LXN: variants seen among roughly 807,000 people sequenced by gnomAD.
LXN encodes the protein latexin.
Under a neutral mutation model 29.8 loss-of-function variants are expected in LXN, and 28 were observed. The ratio of observed to expected loss-of-function variants is 0.94; its 90% confidence interval spans 0.70 to 1.29. LXN has a LOEUF of 1.29. Ranked by LOEUF, LXN falls within the 50% of genes most tolerant of loss-of-function variation. The pLI, the probability that LXN is intolerant of heterozygous loss-of-function variation, is 0.00. For synonymous variants in LXN, 77 were observed against 89.6 expected (o/e 0.86, Z 0.80); for missense variants, 227 against 261.7 (o/e 0.87, Z 0.92).
chr3:158,668,312 T>C (rs1250903419), intron 4 of LXN, among the ~76,000 whole-genome samples: 5 of 152,198 alleles, frequency 3.3e-5, no homozygotes, highest in African/African-American at 1.2e-4. Flanking sequence ...TAAATAGTTG[T>C]TATATTACTT....
At position 158,672,327 on chromosome 3, in the gene LXN, C is replaced by T. The variant is rs773702351; in HGVS notation, c.129+23G>A. The T allele has an allele frequency of 2.5e-6, 4 of 1,612,368 alleles. No individual in the cohort carries two copies. The East Asian group carries it at 6.7e-5, about 27-fold the overall frequency. Reference sequence around the variant, plus strand: ...AGCGCAATCCTGAAGCCTCTGCTGTCCACCACCCCCTGCTAAACTCACCTC... The same window carrying T: ...AGCGCAATCCTGAAGCCTCTGCTGTTCACCACCCCCTGCTAAACTCACCTC... On this transcript the variant is annotated intron_variant, in intron 1 of 5. Coordinates refer to ENST00000264265, the MANE Select transcript of LXN (RefSeq NM_020169.4).
chr3:158,667,668 C>T (rs558723327), intron 4 of LXN, among the ~76,000 whole-genome samples: 70 of 152,188 alleles, frequency 4.6e-4, no homozygotes, highest in Admixed American at 2.1e-3. Flanking sequence ...TGTGCCTGTA[C>T]TCCCAGCCAC....
chr3:158,670,408 C>T (rs1255175218), intron 2 of LXN, among the ~76,000 whole-genome samples: 3 of 152,154 alleles, frequency 2.0e-5, no homozygotes, highest in Non-Finnish European at 4.4e-5. Flanking sequence ...TAAATTACTT[C>T]ACTCATTTAT....
In LXN at chr3:158,672,589, C is replaced by T. The variant is rs866535647; in HGVS notation, c.-111G>A. ...GGTCCGGTTGCCGAGGCGGAAAAGTCGCAAGCTCCTTCAGTCAGTCTTCTT... is the reference window on the plus strand; with the variant it reads ...GGTCCGGTTGCCGAGGCGGAAAAGTTGCAAGCTCCTTCAGTCAGTCTTCTT... On this transcript the variant is annotated 5_prime_UTR_variant, in exon 1 of 6. Coordinates refer to ENST00000264265, the MANE Select transcript of LXN (RefSeq NM_020169.4). 4 of 1,346,950 alleles carry T rather than the reference C, an allele frequency of 3.0e-6. No homozygotes were observed. Among genetic ancestry groups the T allele is most frequent in the Non-Finnish European group, 4.1e-6 (4 of 969,790 alleles). 83.4% of individuals were successfully genotyped at this position (1,346,950 alleles called of 1,614,324 possible). A position where few individuals can be genotyped will look rare whatever the true frequency, so the allele number is the denominator to read the frequency against.
chr3:158,667,115 T>G (rs1311981318), intron 4 of LXN, 41 bp from the exon 5 acceptor site: 1 of 1,516,868 alleles, frequency 6.6e-7, no homozygotes, highest in South Asian at 1.3e-5. Flanking sequence ...AAACTTAATA[T>G]CTTTGGCAAA....
intron 3 of LXN, 39 bp downstream of exon 3, chr3:158,669,394 T>C: frequency 6.4e-7 from 1 of 1,560,824 alleles, no homozygotes; most frequent in Non-Finnish European, 8.7e-7. Flanking sequence ...GATTTTAAGT[T>C]TGAATCAAAC....
chr3:158,672,136 G>A (rs555944584), intron 1 of LXN, among the ~76,000 whole-genome samples: 1 of 152,232 alleles, frequency 6.6e-6, no homozygotes, highest in East Asian at 1.9e-4. Context: ...CTGCCTTAAG[G>A]TGAAAACAGT....
chr3:158,668,566 C>G (rs1461141816), intron 4 of LXN, among the ~76,000 whole-genome samples: 1 of 152,052 alleles, frequency 6.6e-6, no homozygotes, highest in Non-Finnish European at 1.5e-5. Context: ...CTTGACTAAC[C>G]CGAAAGATTA....
intron 5 of LXN, 119 bp from the exon 6 acceptor site, chr3:158,666,863 A>T (rs766838385): frequency 4.1e-5 from 59 of 1,426,082 alleles, no homozygotes; most frequent in Non-Finnish European, 5.4e-5. Flanking sequence ...CTTTTGTTAA[A>T]TTGCTGCAAT....
chr3:158,670,991 TG>T lies in LXN; in HGVS notation c.157del (p.His53ThrfsTer16). Reference protein sequence around the residue: ...EDIPGRGHKYHLKFAVEEIIQ... With the variant: ...EDIPGRGHKYXLKFAVEEIIQ... The stretch of plus-strand genomic sequence containing the variant: ...AATTTCTTCAACAGCAAATTTAAGG[TG>T]ATACTTATGTCCTCTTCCTGGAATA... On this transcript the variant is annotated frameshift_variant, in exon 2 of 6. Coordinates refer to ENST00000264265, the MANE Select transcript of LXN (RefSeq NM_020169.4). LOFTEE classifies it high-confidence loss of function. The T allele has an allele frequency of 1.3e-6, 2 of 1,530,138 alleles. No individual in the cohort carries two copies. Among genetic ancestry groups the T allele is most frequent in the Non-Finnish European group, 1.8e-6 (2 of 1,141,584 alleles). The allele number at this position is 1,530,138 out of a possible 1,614,324, so 94.8% of individuals were successfully genotyped here. A position where few individuals can be genotyped will look rare whatever the true frequency, so the allele number is the denominator to read the frequency against.
At position 158,667,022 on chromosome 3, in the gene LXN, A is replaced by C; in HGVS notation, c.560T>G (p.Ile187Arg). ...ELDYTILLHN[I>R]ASQEIIPWQM... ...TAAATTATACTTTACCTGAGATGCT[A>C]TATTATGAAGTAGAATGGTGTAGTC... Residue 187 changes from isoleucine (I) to arginine (R), a missense_variant, in exon 5 of 6, where the codon ATA (isoleucine) becomes AGA (arginine). Transcript: ENST00000264265. 1.3e-6 allele frequency: 2 copies of C among 1,596,898 alleles called. No individual in the cohort carries two copies. Among genetic ancestry groups the C allele is most frequent in the Non-Finnish European group, 1.7e-6 (2 of 1,174,482 alleles).
At position 158,672,513 on chromosome 3, in the gene LXN, TCTGGCTTAACGGG is replaced by T; in HGVS notation, c.-48_-36del. The T allele has an allele frequency of 6.2e-7, 1 of 1,612,304 alleles. No homozygotes were observed. Among genetic ancestry groups the T allele is most frequent in the Admixed American group, 1.7e-5 (1 of 59,980 alleles). On this transcript the variant is annotated 5_prime_UTR_variant, in exon 1 of 6. Transcript: ENST00000264265. ...GCAGTGACTTCAGGGCTTGGGCTAC[TCTGGCTTAACGGG>T]ACCAGTAGCAGAGCGCCGCCCGTCC...
At chr3:158,671,148 G>GA (rs933591238) in intron 1 of LXN, 129 bp from the exon 2 acceptor site, 2 of 1,215,184 alleles carry the variant, frequency 1.6e-6, no homozygotes, top group African/African-American at 3.2e-5. Flanking sequence ...CTTAGGTCTT[G>GA]AAAAAGGCAT....
rs1724425214 is a variant in LXN at position 158,672,426 on chromosome 3, T to C, written c.53A>G (p.Gln18Arg). ...YPASRAALVAQNYINYQQGTP... is the reference protein window; with the variant it reads ...YPASRAALVARNYINYQQGTP... Reference sequence around the variant, plus strand: ...CCCCTGCTGGTAGTTGATGTAGTTCTGTGCCACCAAGGCCGCCCTGGAGGC... The same window carrying C: ...CCCCTGCTGGTAGTTGATGTAGTTCCGTGCCACCAAGGCCGCCCTGGAGGC... Residue 18 changes from glutamine (Q) to arginine (R), a missense_variant, in exon 1 of 6, where the codon CAG becomes CGG. Gln to Arg is a conservative substitution (Grantham distance 43, BLOSUM62 1). Coordinates refer to ENST00000264265, the MANE Select transcript of LXN (RefSeq NM_020169.4). 2.5e-6 allele frequency: 4 copies of C among 1,614,110 alleles called. No individual in the cohort carries two copies. Among genetic ancestry groups the C allele is most frequent in the Non-Finnish European group, 2.5e-6 (3 of 1,179,964 alleles).
intron 4 of LXN, among the ~76,000 whole-genome samples, chr3:158,668,096 T>C (rs1252416209): frequency 1.3e-5 from 2 of 152,176 alleles, no homozygotes; most frequent in Non-Finnish European, 2.9e-5. Flanking sequence ...ATAGAGCAGA[T>C]TAAAGGTGAG....
At chr3:158,670,932 C>CAAAGAAA (rs56093991) in intron 2 of LXN, 25 bp downstream of exon 2, 522,079 of 1,485,220 alleles carry the variant, frequency 0.35, 97,263 homozygotes, top group African/African-American at 0.59. Context: ...GACCCTGTCT[C>CAAAGAAA]AAAGAAAAAA....
chr3:158,669,100 G>A lies in LXN; in HGVS notation c.403C>T (p.Leu135Phe), dbSNP rs1260713329. Residue 135 changes from leucine (L) to phenylalanine (F), a missense_variant, in exon 4 of 6, where the codon CTC (leucine) becomes TTC (phenylalanine). Transcript: ENST00000264265. Reference protein sequence around the residue: ...NFGNVSPEMTLVLHLAWVACG... With the variant: ...NFGNVSPEMTFVLHLAWVACG... ...GCAACCCAGGCTAAATGTAGAACGA[G>A]CGTCATTTCTGGAGATACATTTCCA... The A allele has an allele frequency of 1.9e-6, 3 of 1,613,502 alleles. No homozygotes were observed. Among genetic ancestry groups the A allele is most frequent in the Non-Finnish European group, 2.5e-6 (3 of 1,179,812 alleles).
rs534901061 is a variant in LXN at position 158,669,372 on chromosome 3, A to G, written c.370+61T>C. ...TAGCAACTAACAATTTTAAGCACAG[A>G]TAATTGAGATTGATTTTAAGTTTGA... On this transcript the variant is annotated intron_variant, in intron 3 of 5. Transcript: ENST00000264265. The G allele has an allele frequency of 8.7e-6, 13 of 1,491,232 alleles. No homozygotes were observed. In the East Asian group the frequency reaches 2.7e-4, roughly 31 times the overall value. The allele number at this position is 1,491,232 out of a possible 1,614,324, so 92.4% of individuals were successfully genotyped here. A position where few individuals can be genotyped will look rare whatever the true frequency, so the allele number is the denominator to read the frequency against.
chr3:158,666,922 T>C (rs931478316), intron 5 of LXN, 90 bp downstream of exon 5: 1 of 1,523,240 alleles, frequency 6.6e-7, no homozygotes, highest in East Asian at 2.4e-5. Flanking sequence ...TGAATTCTGA[T>C]TTAGAGTCAA....
Sources: gnomAD v4.1 joint callset for allele counts (sites outside exome capture counted in the v4.1 genomes callset) on GRCh38, gnomAD v4.1.1 for gene constraint, MANE v1.5 for transcripts, NCBI Gene and HGNC (gene_info 2026-07-23, HGNC 2026-07-21) for gene names.